Variants in CCSER1 observed in about 807,000 individuals in gnomAD.
CCSER1 encodes coiled-coil serine rich protein 1.
CCSER1 carries 41 observed loss-of-function variants against 82.0 expected under a neutral mutation model. The observed-to-expected ratio is 0.50, with a 90% confidence interval of 0.39 to 0.65. CCSER1 has a LOEUF of 0.65. Among genes scored for constraint, CCSER1 ranks in the 30% least tolerant of loss-of-function variants. The pLI is 0.00. For synonymous variants in CCSER1, 414 were observed against 383.9 expected (o/e 1.08, Z -0.92); for missense variants, 1,119 against 1,064.2 (o/e 1.05, Z -0.72).
At chr4:91,258,708 G>A (rs1026008574) in intron 10 of CCSER1, among the ~76,000 whole-genome samples, 5 of 152,062 alleles carry the variant, frequency 3.3e-5, no homozygotes, top group Non-Finnish European at 4.4e-5. Context: ...CTTATTAGAT[G>A]TCAAGTCCTA....
chr4:90,720,770 A>C (rs1392197168), intron 6 of CCSER1, among the ~76,000 whole-genome samples: 1 of 152,086 alleles, frequency 6.6e-6, no homozygotes, highest in Non-Finnish European at 1.5e-5. Flanking sequence ...CAATGCTATT[A>C]AAATGAGTAC....
intron 10 of CCSER1, among the ~76,000 whole-genome samples, chr4:91,468,254 A>G (rs6822287): frequency 1.3e-5 from 2 of 151,804 alleles, no homozygotes; most frequent in African/African-American, 4.8e-5. Flanking sequence ...TCGCAAGGAC[A>G]AAAAAACCAA....
chr4:90,514,113 A>T (rs1771926333), intron 5 of CCSER1, among the ~76,000 whole-genome samples: 1 of 152,162 alleles, frequency 6.6e-6, no homozygotes. Context: ...ACTGATCTGA[A>T]ATTTCAGAGG....
At chr4:90,467,433 C>G (rs1578620571) in intron 4 of CCSER1, among the ~76,000 whole-genome samples, 2 of 151,786 alleles carry the variant, frequency 1.3e-5, no homozygotes. Context: ...TGCCTGTAAT[C>G]CCAGCACTTT....
intron 2 of CCSER1, among the ~76,000 whole-genome samples, chr4:90,310,128 T>G (rs1159401063): frequency 1.3e-5 from 2 of 152,202 alleles, no homozygotes; most frequent in African/African-American, 4.8e-5. Flanking sequence ...AAATAATTCC[T>G]ATCTCTAGAT....
At chr4:91,186,646 CAG>C (rs1290303558) in intron 10 of CCSER1, among the ~76,000 whole-genome samples, 2 of 152,160 alleles carry the variant, frequency 1.3e-5, no homozygotes, top group South Asian at 2.1e-4. Context: ...GAGCCCCAAA[CAG>C]AGATTTACCC....
chr4:91,379,534 T>C (rs1351509516), intron 10 of CCSER1, among the ~76,000 whole-genome samples: 1 of 152,186 alleles, frequency 6.6e-6, no homozygotes, highest in African/African-American at 2.4e-5. Context: ...TCTAGTTTAT[T>C]TGCATAGAGG....
At chr4:90,793,827 A>G (rs1755610064) in intron 7 of CCSER1, among the ~76,000 whole-genome samples, 1 of 152,206 alleles carries the variant, frequency 6.6e-6, no homozygotes, top group African/African-American at 2.4e-5. Context: ...CTTTGCCAGA[A>G]GCTGTTATTT....
At chr4:90,309,631 A>G (rs1734950588) in intron 2 of CCSER1, 23 bp downstream of exon 2, 1 of 1,503,302 alleles carries the variant, frequency 6.7e-7, no homozygotes, top group East Asian at 2.3e-5. Context: ...TTTTTGTATA[A>G]CAAATGATAT....
intron 10 of CCSER1, among the ~76,000 whole-genome samples, chr4:91,268,214 A>G (rs1040274114): frequency 6.6e-6 from 1 of 152,190 alleles, no homozygotes; most frequent in African/African-American, 2.4e-5. Context: ...TTAGAGGTAA[A>G]TAAAAAAGAA....
At chr4:90,665,305 A>C (rs1356147419) in intron 6 of CCSER1, among the ~76,000 whole-genome samples, 2 of 150,980 alleles carry the variant, frequency 1.3e-5, no homozygotes, top group African/African-American at 2.4e-5. Flanking sequence ...CTAAGGACTG[A>C]AACATATGCT....
At chr4:90,484,885 C>T (rs1766742555) in intron 5 of CCSER1, among the ~76,000 whole-genome samples, 1 of 152,190 alleles carries the variant, frequency 6.6e-6, no homozygotes, top group Non-Finnish European at 1.5e-5. Context: ...CTGGGAGAAC[C>T]ACTACTCTCT....
intron 6 of CCSER1, among the ~76,000 whole-genome samples, chr4:90,719,716 CTT>C (rs778052598): frequency 6.6e-6 from 1 of 152,140 alleles, no homozygotes; most frequent in African/African-American, 2.4e-5. Flanking sequence ...GGATCCCTCT[CTT>C]CACATTATAC....
chr4:91,382,428 C>T (rs11938361), intron 10 of CCSER1, among the ~76,000 whole-genome samples: 17,501 of 152,166 alleles, frequency 0.12, 1,182 homozygotes, highest in Middle Eastern at 0.16. Flanking sequence ...CCCTCAGCCT[C>T]GCTGCTGTCT....
chr4:91,126,936 T>G (rs1727574297), intron 10 of CCSER1, among the ~76,000 whole-genome samples: 1 of 151,116 alleles, frequency 6.6e-6, no homozygotes, highest in Non-Finnish European at 1.5e-5. Context: ...TTTTCAGGAT[T>G]TTTTTTTTCC....
chr4:91,211,139 A>C (rs899407030), intron 10 of CCSER1, among the ~76,000 whole-genome samples: 1 of 152,000 alleles, frequency 6.6e-6, no homozygotes, highest in Non-Finnish European at 1.5e-5. Flanking sequence ...ATATGTAGAC[A>C]AGGTACTCGG....
intron 5 of CCSER1, among the ~76,000 whole-genome samples, chr4:90,541,385 T>G (rs1776087358): frequency 6.6e-6 from 1 of 152,090 alleles, no homozygotes; most frequent in African/African-American, 2.4e-5. Context: ...TTTCTCTGCC[T>G]TGCTACAAGA....
intron 10 of CCSER1, among the ~76,000 whole-genome samples, chr4:91,385,579 G>A (rs1203804060): frequency 6.6e-6 from 1 of 151,624 alleles, no homozygotes; most frequent in Non-Finnish European, 1.5e-5. Context: ...AAACTGATAA[G>A]CCAGTGAACA....
intron 5 of CCSER1, among the ~76,000 whole-genome samples, chr4:90,495,590 T>G (rs916973109): frequency 2.6e-5 from 4 of 152,194 alleles, no homozygotes; most frequent in Non-Finnish European, 5.9e-5. Flanking sequence ...CATTTGTGCT[T>G]AAAGATGCCC....
Sources: gnomAD v4.1 joint callset for allele counts (sites outside exome capture counted in the v4.1 genomes callset) on GRCh38, gnomAD v4.1.1 for gene constraint, MANE v1.5 for transcripts, NCBI Gene and HGNC (gene_info 2026-07-23, HGNC 2026-07-21) for gene names.